Variants in CAMKMT observed in about 807,000 individuals in gnomAD.
CAMKMT encodes calmodulin-lysine N-methyltransferase, also known as CaM KMT.
A neutral mutation model predicts 48.0 loss-of-function variants in CAMKMT; 53 were observed. That is an observed-to-expected ratio of 1.10 (90% CI 0.89 to 1.39). The LOEUF is 1.39. Ranked by LOEUF, CAMKMT falls within the 40% of genes most tolerant of loss-of-function variation. CAMKMT has a pLI of 0.00. For missense variants in CAMKMT, 428 were observed against 402.7 expected (o/e 1.06, Z -0.54); for synonymous variants, 165 against 152.3 (o/e 1.08, Z -0.61).
chr2:44,749,854 C>T (rs181622381), intron 8 of CAMKMT, among the ~76,000 whole-genome samples: 1 of 152,274 alleles, frequency 6.6e-6, no homozygotes, highest in East Asian at 1.9e-4. Flanking sequence ...AAGAATGATG[C>T]AGGGCCCTAG....
intron 7 of CAMKMT, chr2:44,723,587 TCAAAA>T (rs1328592059): frequency 6.9e-6 from 1 of 144,638 alleles, no homozygotes; most frequent in African/African-American, 2.6e-5. Flanking sequence ...CAAGTCCATC[TCAAAA>T]TAAATAAATA....
In CAMKMT at chr2:44,584,899, A is replaced by G. The variant is rs370038069; in HGVS notation, c.377-119384A>G. 1.6e-3 allele frequency among the ~76,000 whole-genome samples: 238 copies of G among 151,992 alleles called. 3 individuals carry two copies. Among genetic ancestry groups the G allele is most frequent in the South Asian group, 5.8e-3 (28 of 4,800 alleles). ...GAAACCCTGTCTCTACTAAAAATAC[A>G]AAAAAATTATCCGGGCGTGGTGGTG... On this transcript the variant is annotated intron_variant, in intron 3 of 10. Transcript: ENST00000378494.
intron 3 of CAMKMT, among the ~76,000 whole-genome samples, chr2:44,544,298 C>G (rs1480311856): frequency 6.6e-6 from 1 of 152,056 alleles, no homozygotes; most frequent in Non-Finnish European, 1.5e-5. Context: ...TTCAGAAATG[C>G]CTGTTTATAC....
chr2:44,440,800 C>T (rs555741814), intron 3 of CAMKMT, among the ~76,000 whole-genome samples: 205 of 152,020 alleles, frequency 1.3e-3, no homozygotes, highest in Non-Finnish European at 2.3e-3. Flanking sequence ...TGGTATTGAT[C>T]GTAATTGTAG....
chr2:44,525,037 CTTTTA>C (rs924214426), intron 3 of CAMKMT, among the ~76,000 whole-genome samples: 1 of 151,202 alleles, frequency 6.6e-6, no homozygotes, highest in African/African-American at 2.4e-5. Context: ...CATTTAAAGC[CTTTTA>C]TTTTATATGA....
intron 3 of CAMKMT, among the ~76,000 whole-genome samples, chr2:44,392,513 A>G (rs935084515): frequency 1.3e-5 from 2 of 152,066 alleles, no homozygotes; most frequent in African/African-American, 2.4e-5. Context: ...TTATGCCAAT[A>G]GTGATATTGA....
At chr2:44,738,917 G>T (rs1679511312) in intron 7 of CAMKMT, among the ~76,000 whole-genome samples, 1 of 152,204 alleles carries the variant, frequency 6.6e-6, no homozygotes, top group African/African-American at 2.4e-5. Flanking sequence ...AGAGATATCT[G>T]GAGGAAGAGC....
chr2:44,471,073 C>A (rs914435886), intron 3 of CAMKMT, among the ~76,000 whole-genome samples: 78 of 146,586 alleles, frequency 5.3e-4, no homozygotes, highest in African/African-American at 1.9e-3. Context: ...TGGCTCACTG[C>A]AACCTCCGCC....
chr2:44,583,279 C>T (rs1669668329), intron 3 of CAMKMT, among the ~76,000 whole-genome samples: 1 of 152,130 alleles, frequency 6.6e-6, no homozygotes, highest in Non-Finnish European at 1.5e-5. Context: ...AAGACACACA[C>T]ACAGTCCCTG....
intron 3 of CAMKMT, among the ~76,000 whole-genome samples, chr2:44,476,087 A>G (rs1668674238): frequency 6.6e-6 from 1 of 152,236 alleles, no homozygotes; most frequent in Non-Finnish European, 1.5e-5. Flanking sequence ...AGACTTCTTC[A>G]TAATATATTT....
At chr2:44,771,215 A>G (rs1409417621) in intron 10 of CAMKMT, among the ~76,000 whole-genome samples, 1 of 152,220 alleles carries the variant, frequency 6.6e-6, no homozygotes, top group Non-Finnish European at 1.5e-5. Context: ...TATAATTTAA[A>G]GAAATATTTA....
At chr2:44,663,909 A>T (rs1674817611) in intron 3 of CAMKMT, among the ~76,000 whole-genome samples, 1 of 152,174 alleles carries the variant, frequency 6.6e-6, no homozygotes. Flanking sequence ...AATAAGATAA[A>T]TAAAATTTAT....
At chr2:44,595,473 C>G (rs1670597160) in intron 3 of CAMKMT, among the ~76,000 whole-genome samples, 1 of 152,120 alleles carries the variant, frequency 6.6e-6, no homozygotes, top group Non-Finnish European at 1.5e-5. Flanking sequence ...GAGCTACAAA[C>G]CACTGCTCAA....
chr2:44,431,808 A>T (rs1394978628), intron 3 of CAMKMT, among the ~76,000 whole-genome samples: 1 of 152,184 alleles, frequency 6.6e-6, no homozygotes, highest in African/African-American at 2.4e-5. Context: ...AAGTGGTAAT[A>T]GACAACTAGA....
At chr2:44,406,419 A>T (rs1184265985) in intron 3 of CAMKMT, among the ~76,000 whole-genome samples, 2 of 152,164 alleles carry the variant, frequency 1.3e-5, no homozygotes, top group African/African-American at 4.8e-5. Context: ...ATACTTACAG[A>T]TAGTTTCAAC....
Position 44,509,713 on chromosome 2 carries a change from G to C in CAMKMT, c.376+119408G>C, listed in dbSNP as rs375055776. Among the ~76,000 whole-genome samples, 6 of 152,338 alleles carry C rather than the reference G, an allele frequency of 3.9e-5. No individual in the cohort carries two copies. The East Asian group carries it at 1.2e-3, about 29-fold the overall frequency. On this transcript the variant is annotated intron_variant, in intron 3 of 10. Coordinates refer to ENST00000378494, the MANE Select transcript of CAMKMT (RefSeq NM_024766.5). Reference sequence around the variant, plus strand: ...GTTAAGAGGGATTAATGCTGCTCTTGCAGGACTCGGTAATTCTCATGGGAG... The same window carrying C: ...GTTAAGAGGGATTAATGCTGCTCTTCCAGGACTCGGTAATTCTCATGGGAG...
chr2:44,423,185 A>AT (rs1182824967), intron 3 of CAMKMT, among the ~76,000 whole-genome samples: 5 of 97,478 alleles, frequency 5.1e-5, no homozygotes, highest in Non-Finnish European at 2.6e-5. Context: ...ATTTTATTTT[A>AT]TTTATTTATT....
chr2:44,606,880 G>T (rs1671316885), intron 3 of CAMKMT, among the ~76,000 whole-genome samples: 1 of 151,072 alleles, frequency 6.6e-6, no homozygotes, highest in Non-Finnish European at 1.5e-5. Context: ...TACTGCAGCT[G>T]GTTCTATGCA....
At chr2:44,429,787 G>A (rs1287623528) in intron 3 of CAMKMT, among the ~76,000 whole-genome samples, 3 of 110,072 alleles carry the variant, frequency 2.7e-5, no homozygotes, top group Non-Finnish European at 5.0e-5. Context: ...CGGCCTGGGC[G>A]ACAGAGCGAG....
Sources: allele counts gnomAD v4.1 joint callset (sites outside exome capture counted in the v4.1 genomes callset), GRCh38; gene constraint gnomAD v4.1.1; transcripts MANE v1.5; gene names NCBI Gene and HGNC (gene_info 2026-07-23, HGNC 2026-07-21).